Variants in GNAQ observed in about 807,000 individuals in gnomAD.
GNAQ encodes the protein G protein subunit alpha q, also known as guanine nucleotide-binding protein G(q) subunit alpha.
A neutral mutation model predicts 43.9 loss-of-function variants in GNAQ; 8 were observed. That is an observed-to-expected ratio of 0.18 (90% CI 0.11 to 0.33). The LOEUF (loss-of-function observed/expected upper bound fraction) is 0.33, where lower values mean the gene tolerates loss of function less well. Ranked by LOEUF, GNAQ falls within the 10% of genes least tolerant of loss-of-function variation. GNAQ has a pLI of 1.00. For missense variants in GNAQ, 158 were observed against 450.8 expected (o/e 0.35, Z 5.88); for synonymous variants, 155 against 170.7 (o/e 0.91, Z 0.71).
intron 5 of GNAQ, among the ~76,000 whole-genome samples, chr9:77,764,298 A>C (rs2118349946): frequency 6.6e-6 from 1 of 152,260 alleles, no homozygotes; most frequent in South Asian, 2.1e-4. Context: ...TATTTCCCTA[A>C]GGTCAATGGG....
chr9:77,946,388 A>C (rs1822895232), intron 1 of GNAQ, among the ~76,000 whole-genome samples: 1 of 152,228 alleles, frequency 6.6e-6, no homozygotes, highest in Non-Finnish European at 1.5e-5. Flanking sequence ...GAATAAGCAG[A>C]ACATTTTCCA....
intron 2 of GNAQ, among the ~76,000 whole-genome samples, chr9:77,819,027 A>AGC (rs1827067394): frequency 7.1e-6 from 1 of 140,366 alleles, no homozygotes; most frequent in African/African-American, 2.5e-5. Flanking sequence ...AAAAAAAAAA[A>AGC]AACACCCAAA....
At chr9:77,955,652 C>T (rs1823032339) in intron 1 of GNAQ, among the ~76,000 whole-genome samples, 1 of 152,094 alleles carries the variant, frequency 6.6e-6, no homozygotes, top group Non-Finnish European at 1.5e-5. Flanking sequence ...ATGAAAAGAT[C>T]AAAATAGGTA....
intron 6 of GNAQ, among the ~76,000 whole-genome samples, chr9:77,726,454 T>A (rs1374424426): frequency 1.3e-5 from 2 of 152,200 alleles, no homozygotes; most frequent in African/African-American, 2.4e-5. Flanking sequence ...ACATTTCCCT[T>A]TCATGAGCCA....
chr9:77,898,137 G>C (rs1828533231), intron 2 of GNAQ, among the ~76,000 whole-genome samples: 2 of 152,102 alleles, frequency 1.3e-5, no homozygotes, highest in African/African-American at 4.8e-5. Context: ...TCTGTCACTG[G>C]ATAATCCAGG....
chr9:77,977,927 G>C (rs1007720892), intron 1 of GNAQ, among the ~76,000 whole-genome samples: 1 of 152,130 alleles, frequency 6.6e-6, no homozygotes, highest in Non-Finnish European at 1.5e-5. Context: ...CCCTCCACCA[G>C]TGGCAACAGC....
At chr9:77,908,069 CACT>C (rs1828740430) in intron 2 of GNAQ, among the ~76,000 whole-genome samples, 2 of 152,160 alleles carry the variant, frequency 1.3e-5, no homozygotes, top group Admixed American at 1.3e-4. Context: ...AGAATTAGAA[CACT>C]ACTACTTACC....
intron 2 of GNAQ, among the ~76,000 whole-genome samples, chr9:77,895,004 ATGGTGAAACCC>A (rs941888298): frequency 2.0e-5 from 3 of 151,348 alleles, no homozygotes; most frequent in Non-Finnish European, 4.4e-5. Flanking sequence ...CTTGGCTAAC[ATGGTGAAACCC>A]CTGTCTCTAC....
At chr9:77,853,693 A>C (rs1827705641) in intron 2 of GNAQ, among the ~76,000 whole-genome samples, 1 of 147,096 alleles carries the variant, frequency 6.8e-6, no homozygotes, top group African/African-American at 2.5e-5. Context: ...GCCATGCTGT[A>C]CGTAATAGAG....
intron 1 of GNAQ, among the ~76,000 whole-genome samples, chr9:77,995,668 A>T (rs1255439318): frequency 6.6e-6 from 1 of 151,726 alleles, no homozygotes; most frequent in Non-Finnish European, 1.5e-5. Context: ...TTTTTGTAGA[A>T]ATGGGGTCTC....
intron 2 of GNAQ, among the ~76,000 whole-genome samples, chr9:77,818,288 C>G (rs967840645): frequency 3.3e-5 from 5 of 152,090 alleles, no homozygotes; most frequent in African/African-American, 1.2e-4. Context: ...AAATGACATT[C>G]AAATATAATC....
rs184070870 is a variant in GNAQ at position 77,951,790 on chromosome 9, T to A, written c.137-29445A>T. On this transcript the variant is annotated intron_variant, in intron 1 of 6. Transcript: ENST00000286548. The stretch of plus-strand genomic sequence containing the variant: ...TGGTGAAGGGGGTCATCTCGATGAG[T>A]TATCAGATCCAAGAGATGTGAATGA... 5.3e-5 allele frequency among the ~76,000 whole-genome samples: 8 copies of A among 152,264 alleles called. No individual in the cohort carries two copies. The East Asian group carries it at 9.7e-4, about 18-fold the overall frequency.
Position 77,721,433 on chromosome 9 carries a change from T to A in GNAQ, c.970A>T (p.Ile324Phe). Residue 324 changes from isoleucine (I) to phenylalanine (F), a missense_variant, in exon 7 of 7, where the codon ATC (isoleucine) becomes TTC (phenylalanine). By Grantham distance (21) the Ile-to-Phe change is conservative (BLOSUM62 0). Around this residue, in one of 9 missense-constraint regions of GNAQ, gnomAD observed 56 missense variants for 172.2 expected, o/e 0.33. Transcript: ENST00000286548. ...VDLNPDSDKI[I>F]YSHFTCATDT... ...GTGGCGCACGTGAAGTGGGAGTAGA[T>A]AATTTTGTCACTGTCTGGGTTCAGG... 1 of 1,612,598 alleles carries A rather than the reference T, an allele frequency of 6.2e-7. No homozygotes were observed. The highest frequency in any genetic ancestry group is 8.5e-7 in the Non-Finnish European group (1 of 1,178,858).
chr9:78,027,360 T>C (rs1181336973), intron 1 of GNAQ, among the ~76,000 whole-genome samples: 2 of 152,214 alleles, frequency 1.3e-5, no homozygotes, highest in East Asian at 3.8e-4. Flanking sequence ...ACTCAGCCAA[T>C]ATTTATTGAG....
chr9:77,916,997 G>A (rs1486759859), intron 2 of GNAQ, among the ~76,000 whole-genome samples: 2 of 152,118 alleles, frequency 1.3e-5, no homozygotes, highest in East Asian at 1.9e-4. Flanking sequence ...ACTATGATCC[G>A]CTATCTGGAG....
intron 2 of GNAQ, among the ~76,000 whole-genome samples, chr9:77,912,536 G>A (rs942094903): frequency 6.6e-6 from 1 of 151,814 alleles, no homozygotes; most frequent in African/African-American, 2.4e-5. Flanking sequence ...TATTAGAAGG[G>A]GAAAAAATTA....
intron 2 of GNAQ, among the ~76,000 whole-genome samples, chr9:77,892,755 A>G (rs1396183914): frequency 6.6e-6 from 1 of 152,236 alleles, no homozygotes; most frequent in Non-Finnish European, 1.5e-5. Flanking sequence ...TAGGGCACAG[A>G]TAAGAATCTA....
chr9:78,027,394 T>C (rs1231601511), intron 1 of GNAQ, among the ~76,000 whole-genome samples: 1 of 152,202 alleles, frequency 6.6e-6, no homozygotes, highest in Non-Finnish European at 1.5e-5. Flanking sequence ...TTAGATACTG[T>C]GCTTGAAGCT....
intron 5 of GNAQ, among the ~76,000 whole-genome samples, chr9:77,785,164 C>G (rs1243956363): frequency 6.6e-6 from 1 of 152,036 alleles, no homozygotes; most frequent in Non-Finnish European, 1.5e-5. Flanking sequence ...TGTGGGTGGG[C>G]CTTAAATCTC....
Sources: gnomAD v4.1 joint callset for allele counts (sites outside exome capture counted in the v4.1 genomes callset) on GRCh38, gnomAD v4.1.1 for gene constraint, gnomAD v4.1.1 regional missense constraint, MANE v1.5 for transcripts, NCBI Gene and HGNC (gene_info 2026-07-23, HGNC 2026-07-21) for gene names.